The following ITGA11 variants were observed in gnomAD, a reference collection of about 807,000 sequenced individuals.
ITGA11 encodes integrin alpha-11.
Under a neutral mutation model 141.9 loss-of-function variants are expected in ITGA11, and 97 were observed. The ratio of observed to expected loss-of-function variants is 0.68; its 90% CI spans 0.58 to 0.81. ITGA11 has a LOEUF of 0.81. ITGA11 is among the 30% of genes least tolerant of loss of function. ITGA11 has a pLI of 0.00. For synonymous variants in ITGA11, 658 were observed against 624.6 expected (o/e 1.05, Z -0.80); for missense variants, 1,387 against 1,559.2 (o/e 0.89, Z 1.86).
chr15:68,326,996 G>C lies in ITGA11; in HGVS notation c.2069-200C>G, dbSNP rs1893995879. 6.6e-6 allele frequency among the ~76,000 whole-genome samples: 1 copy of C among 152,166 alleles called. No homozygotes were observed. Among genetic ancestry groups the C allele is most frequent in the South Asian group, 2.1e-4 (1 of 4,816 alleles). On this transcript the variant is annotated intron_variant, in intron 16 of 29. Transcript: ENST00000315757. This position sits in a 1 kb window ranked among gnomAD's most constrained non-coding sequence, Gnocchi z 6.8. Reference sequence around the variant, plus strand: ...GGTAAAGGAAGGAACCAAAGAAAAGGGGGAGGAAGAGGGTGGAGAAAGAGC... The same window carrying C: ...GGTAAAGGAAGGAACCAAAGAAAAGCGGGAGGAAGAGGGTGGAGAAAGAGC...
chr15:68,303,016 C>T lies in ITGA11; in HGVS notation c.*43G>A. ...GGCCTGGGTCTCAACACTACCTGGA[C>T]TGGTGTCCTGGCCCCCATCAACTCA... On this transcript the variant is annotated 3_prime_UTR_variant, in exon 30 of 30. Coordinates refer to ENST00000315757, the MANE Select transcript of ITGA11 (RefSeq NM_001004439.2). This position sits in a 1 kb window ranked among gnomAD's most constrained non-coding sequence, Gnocchi z 5.3. 2.7e-6 allele frequency: 4 copies of T among 1,481,240 alleles called. No homozygotes were observed. Among genetic ancestry groups the T allele is most frequent in the Admixed American group, 2.1e-5 (1 of 48,308 alleles). The allele number at this position is 1,481,240 out of a possible 1,614,324, so 91.8% of individuals were successfully genotyped here. A position where few individuals can be genotyped will look rare whatever the true frequency, so the allele number is the denominator to read the frequency against.
intron 5 of ITGA11, among the ~76,000 whole-genome samples, chr15:68,360,627 A>G (rs1011637142): frequency 5.3e-5 from 8 of 152,180 alleles, no homozygotes; most frequent in African/African-American, 1.9e-4. Context: ...CATGAGGTTC[A>G]GGGACCATAG....
At position 68,326,594 on chromosome 15, in the gene ITGA11, C is replaced by T. The variant is rs1254662435; in HGVS notation, c.2211+60G>A. ...CAGCCAGGCAGACTCTCTGCCTCTC[C>T]CACGGCAGATGCTCCTTCCTATAGG... On this transcript the variant is annotated intron_variant, in intron 17 of 29. Transcript: ENST00000315757. This position sits in a 1 kb window ranked among gnomAD's most constrained non-coding sequence, Gnocchi z 6.8. 6.6e-7 allele frequency: 1 copy of T among 1,508,220 alleles called. No homozygotes were observed. The highest frequency in any genetic ancestry group is 8.9e-7 in the Non-Finnish European group (1 of 1,120,624). 93.4% of individuals were successfully genotyped at this position (1,508,220 alleles called of 1,614,324 possible).
chr15:68,416,311 G>A lies in ITGA11; in HGVS notation c.53-13282C>T, dbSNP rs528518339. ...TGGAGGAGTGAGGGTCCCTTCCCTG[G>A]GGTTGCAGAGGAGAACAAATGTCGG... On this transcript the variant is annotated intron_variant, in intron 1 of 29. Transcript: ENST00000315757. 9.5e-4 allele frequency among the ~76,000 whole-genome samples: 145 copies of A among 152,294 alleles called. 1 individual carries two copies. Among genetic ancestry groups the A allele is most frequent in the African/African-American group, 3.4e-3 (143 of 41,548 alleles).
At chr15:68,369,048 C>T (rs1429838170) in intron 3 of ITGA11, 136 bp downstream of exon 3, 3 of 661,568 alleles carry the variant, frequency 4.5e-6, no homozygotes, top group Non-Finnish European at 8.1e-6. Flanking sequence ...AAAGTGGGGG[C>T]AGTGATATCA....
intron 7 of ITGA11, among the ~76,000 whole-genome samples, chr15:68,352,547 T>C (rs1292977868): frequency 1.3e-5 from 2 of 152,124 alleles, no homozygotes; most frequent in African/African-American, 4.8e-5. Flanking sequence ...ACTCACTTTC[T>C]TTAGTACTGA....
intron 10 of ITGA11, among the ~76,000 whole-genome samples, chr15:68,343,514 T>C (rs898581): frequency 0.56 from 84,723 of 152,024 alleles, 23,802 homozygotes; most frequent in Admixed American, 0.6. Flanking sequence ...TCTTGCCCAG[T>C]AGTCACGGAA....
chr15:68,371,448 C>T (rs1011862482), intron 2 of ITGA11, among the ~76,000 whole-genome samples: 1 of 152,180 alleles, frequency 6.6e-6, no homozygotes, highest in Non-Finnish European at 1.5e-5. Context: ...TGCAGTGGCT[C>T]ATGCCTGTAA....
At chr15:68,416,650 G>T (rs1294479087) in intron 1 of ITGA11, among the ~76,000 whole-genome samples, 4 of 152,194 alleles carry the variant, frequency 2.6e-5, no homozygotes, top group African/African-American at 9.7e-5. Context: ...TCATGGCTGG[G>T]TGCGGTGGCT....
intron 11 of ITGA11, among the ~76,000 whole-genome samples, chr15:68,338,788 G>A (rs1189636722): frequency 2.6e-5 from 4 of 152,250 alleles, no homozygotes; most frequent in African/African-American, 9.6e-5. Flanking sequence ...TCAATGAGGA[G>A]TAACTTCACA....
intron 9 of ITGA11, among the ~76,000 whole-genome samples, chr15:68,349,948 A>G (rs1324390650): frequency 1.3e-5 from 2 of 152,150 alleles, no homozygotes; most frequent in Non-Finnish European, 2.9e-5. Context: ...AGAACAAATA[A>G]GTTTTAACCT....
Position 68,328,337 on chromosome 15 carries a change from A to G in ITGA11, c.1902-75T>C. The G allele has an allele frequency of 7.5e-7, 1 of 1,337,422 alleles. No individual in the cohort carries two copies. Among genetic ancestry groups the G allele is most frequent in the Non-Finnish European group, 1.0e-6 (1 of 975,326 alleles). The allele number at this position is 1,337,422 out of a possible 1,614,324, so 82.8% of individuals were successfully genotyped here. ...CCTGCTGTGACCATGGGGAAAGACA[A>G]GAACCAGATGCGAGTGGGATCTGCA... On this transcript the variant is annotated intron_variant, in intron 15 of 29. Transcript: ENST00000315757. This position sits in a 1 kb window ranked among gnomAD's most constrained non-coding sequence, Gnocchi z 4.8.
intron 2 of ITGA11, among the ~76,000 whole-genome samples, chr15:68,397,752 T>A (rs866446461): frequency 1.1e-4 from 6 of 53,908 alleles, no homozygotes; most frequent in African/African-American, 3.7e-4. Context: ...TTTAAAATAT[T>A]ATATTTAAAA....
In ITGA11 at chr15:68,299,212, CCCT is replaced by C. The variant is rs1230651164; in HGVS notation, c.*3844_*3846del. The C allele has an allele frequency of 2.0e-5, 3 of 152,262 alleles. No homozygotes were observed. Among genetic ancestry groups the C allele is most frequent in the African/African-American group, 4.8e-5 (2 of 41,536 alleles). 9.4% of individuals were successfully genotyped at this position (152,262 alleles called of 1,614,324 possible). A position where few individuals can be genotyped will look rare whatever the true frequency, so the allele number is the denominator to read the frequency against. On this transcript the variant is annotated 3_prime_UTR_variant, in exon 30 of 30. Coordinates refer to ENST00000315757, the MANE Select transcript of ITGA11 (RefSeq NM_001004439.2). ...GTGTCCAGGTGCAAGGCTTACAATT[CCCT>C]CCTCATGCTAAATCAGCAAGGCTCC...
rs543922321 is a variant in ITGA11, at chr15:68,318,788, C to G, written c.2616+1397G>C. On this transcript the variant is annotated intron_variant, in intron 20 of 29. Coordinates refer to ENST00000315757, the MANE Select transcript of ITGA11 (RefSeq NM_001004439.2). ...TTCTGGGGTGGAGAGGACAGACTGG[C>G]CTGGCACCTGTCTTGCCTGGCACAC... Among the ~76,000 whole-genome samples the G allele has an allele frequency of 2.0e-5, 3 of 152,228 alleles. No individual in the cohort carries two copies. The South Asian group carries it at 6.2e-4, about 32-fold the overall frequency.
Position 68,335,956 on chromosome 15 carries a change from T to C in ITGA11, c.1277-111A>G. 1 of 1,288,590 alleles carries C rather than the reference T, an allele frequency of 7.8e-7. No individual in the cohort carries two copies. The highest frequency in any genetic ancestry group is 1.1e-6 in the Non-Finnish European group (1 of 930,388). The allele number at this position is 1,288,590 out of a possible 1,614,324, so 79.8% of individuals were successfully genotyped here. A position where few individuals can be genotyped will look rare whatever the true frequency, so the allele number is the denominator to read the frequency against. ...AGGATGGGCCAGTGATGGGGTAGGT[T>C]CAGGGCTAGCTGAGCAGATTCAATC... On this transcript the variant is annotated intron_variant, in intron 11 of 29. Transcript: ENST00000315757. The surrounding 1 kb of genome is among the most constrained non-coding windows in gnomAD (Gnocchi z 4.9).
chr15:68,352,103 A>G (rs900229722), intron 7 of ITGA11, among the ~76,000 whole-genome samples: 2 of 148,422 alleles, frequency 1.3e-5, no homozygotes, highest in Non-Finnish European at 3.0e-5. Flanking sequence ...CAAACAACCA[A>G]ACAAACAAAC....
chr15:68,428,866 A>G (rs1283942564), intron 1 of ITGA11, among the ~76,000 whole-genome samples: 2 of 152,162 alleles, frequency 1.3e-5, no homozygotes, highest in Admixed American at 6.5e-5. Flanking sequence ...AAACAAACAA[A>G]CAAAACAACA....
intron 11 of ITGA11, among the ~76,000 whole-genome samples, chr15:68,337,388 G>T (rs1223738164): frequency 1.3e-5 from 2 of 152,154 alleles, no homozygotes; most frequent in Non-Finnish European, 2.9e-5. Flanking sequence ...CCCAGTGGAG[G>T]CTGGGAGCTG....
Sources: gnomAD v4.1 joint callset for allele counts (sites outside exome capture counted in the v4.1 genomes callset) on GRCh38, gnomAD v4.1.1 for gene constraint, Gnocchi (gnomAD v3.1) non-coding constraint, MANE v1.5 for transcripts, NCBI Gene and HGNC (gene_info 2026-07-23, HGNC 2026-07-21) for gene names.